The following ATXN7L1 variants were observed in gnomAD, a reference collection of about 807,000 sequenced individuals.
The protein encoded by ATXN7L1 is ataxin-7-like protein 1.
Under a neutral mutation model 70.8 loss-of-function variants are expected in ATXN7L1, and 15 were observed. The observed-to-expected ratio is 0.21, with a 90% confidence interval of 0.14 to 0.33. The LOEUF (loss-of-function observed/expected upper bound fraction) is 0.33. ATXN7L1 is among the 10% of genes least tolerant of loss of function. The pLI is 1.00. For synonymous variants in ATXN7L1, 440 were observed against 445.1 expected, an observed-to-expected ratio of 0.99 and a Z score of 0.14; for missense variants, 975 against 1,097.1, an observed-to-expected ratio of 0.89 and a Z score of 1.57.
chr7:105,613,651 C>A, intron 10 of ATXN7L1: 2 of 1,426,686 alleles, frequency 1.4e-6, no homozygotes, highest in Non-Finnish European at 1.8e-6. Flanking sequence ...CCGTAAAGTG[C>A]CGAGAACAGT....
rs766671131 is a variant in ATXN7L1 at position 105,613,842 on chromosome 7, G to A, written c.2472+20C>T. Reference sequence around the variant, plus strand: ...CCTGCCCCCCAGAGCCGGTGAAGGCGGTGCCAGGAGGTCCCTTACCTGCCG... The same window carrying A: ...CCTGCCCCCCAGAGCCGGTGAAGGCAGTGCCAGGAGGTCCCTTACCTGCCG... On this transcript the variant is annotated intron_variant, in intron 10 of 11. Transcript: ENST00000419735. 300 of 1,551,662 alleles carry A rather than the reference G, an allele frequency of 1.9e-4. No individual in the cohort carries two copies. Among genetic ancestry groups the A allele is most frequent in the Non-Finnish European group, 2.5e-4 (290 of 1,147,030 alleles).
intron 3 of ATXN7L1, among the ~76,000 whole-genome samples, chr7:105,756,797 C>A (rs1325144323): frequency 1.3e-5 from 2 of 152,148 alleles, no homozygotes; most frequent in African/African-American, 2.4e-5. Context: ...AACTCATTCA[C>A]TTAACGGTGA....
chr7:105,778,525 A>AAC (rs543795113), intron 3 of ATXN7L1, among the ~76,000 whole-genome samples: 2,897 of 108,358 alleles, frequency 0.027, 127 homozygotes, highest in African/African-American at 0.08. Flanking sequence ...AAAAAAAAAA[A>AAC]AAAAAAAAAA....
chr7:105,748,350 A>T (rs1199042286), intron 3 of ATXN7L1, among the ~76,000 whole-genome samples: 1 of 152,114 alleles, frequency 6.6e-6, no homozygotes, highest in African/African-American at 2.4e-5. Flanking sequence ...TCTACCTGTG[A>T]GACTCTGGCT....
At chr7:105,792,699 C>T (rs143233302) in intron 2 of ATXN7L1, among the ~76,000 whole-genome samples, 96 of 152,282 alleles carry the variant, frequency 6.3e-4, no homozygotes, top group African/African-American at 2.2e-3. Flanking sequence ...TGTTTAGTGT[C>T]GTCATGGCAG....
chr7:105,667,034 T>C (rs1802713031), intron 3 of ATXN7L1, among the ~76,000 whole-genome samples: 1 of 152,232 alleles, frequency 6.6e-6, no homozygotes, highest in Non-Finnish European at 1.5e-5. Context: ...GTTCCTTCCC[T>C]TCTCATCTCT....
At position 105,694,050 on chromosome 7, in the gene ATXN7L1, C is replaced by CT. The variant is rs34797129; in HGVS notation, c.356-28763dup. ...TTCAGGTCCTGAGGGAGAAGTGAGC[C>CT]TTTTTTTTTTTTTTTAAGGCAGAGT... On this transcript the variant is annotated intron_variant, in intron 3 of 11. Transcript: ENST00000419735. Among the ~76,000 whole-genome samples, 552 of 139,332 alleles carry CT rather than the reference C, an allele frequency of 4.0e-3. 3 individuals are homozygous for CT. Among genetic ancestry groups the CT allele is most frequent in the African/African-American group, 7.2e-3 (273 of 37,700 alleles). 91.4% of individuals were successfully genotyped at this position (139,332 alleles called of 152,430 possible).
At chr7:105,822,575 T>G (rs1045768201) in intron 2 of ATXN7L1, among the ~76,000 whole-genome samples, 1 of 152,234 alleles carries the variant, frequency 6.6e-6, no homozygotes, top group African/African-American at 2.4e-5. Context: ...CAATTGAGTT[T>G]GCATGTTGCT....
chr7:105,625,596 T>A (rs1354429728), intron 7 of ATXN7L1, among the ~76,000 whole-genome samples: 1 of 152,208 alleles, frequency 6.6e-6, no homozygotes, highest in African/African-American at 2.4e-5. Context: ...TGGGGCATGA[T>A]TGGCTCATAG....
intron 7 of ATXN7L1, among the ~76,000 whole-genome samples, chr7:105,627,156 T>C (rs889441696): frequency 1.3e-5 from 2 of 152,182 alleles, no homozygotes; most frequent in East Asian, 1.9e-4. Context: ...CTGCAGGAGA[T>C]AGATTAAAAA....
At chr7:105,612,666 C>T (rs575360733) in intron 10 of ATXN7L1, among the ~76,000 whole-genome samples, 15 of 152,238 alleles carry the variant, frequency 9.9e-5, no homozygotes, top group Middle Eastern at 3.4e-3. Flanking sequence ...TCAGCTCGAG[C>T]GAGAGGACCT....
chr7:105,716,665 GCACACACACA>G (rs58217531), intron 3 of ATXN7L1, among the ~76,000 whole-genome samples: 16,090 of 124,846 alleles, frequency 0.13, 1,218 homozygotes, highest in Non-Finnish European at 0.16. Flanking sequence ...ACCTATCTCT[GCACACACACA>G]CACACACACA....
At chr7:105,701,798 G>A (rs970765370) in intron 3 of ATXN7L1, among the ~76,000 whole-genome samples, 2 of 152,072 alleles carry the variant, frequency 1.3e-5, no homozygotes, top group Admixed American at 1.3e-4. Context: ...TCAAACTCCT[G>A]GGCTCAAGTG....
At chr7:105,618,415 GC>G (rs1406670302) in intron 9 of ATXN7L1, among the ~76,000 whole-genome samples, 2 of 152,152 alleles carry the variant, frequency 1.3e-5, no homozygotes, top group African/African-American at 2.4e-5. Context: ...TTCTCTTGTG[GC>G]CCTTACCTAC....
chr7:105,823,453 T>C (rs751515524), intron 2 of ATXN7L1, among the ~76,000 whole-genome samples: 1 of 152,230 alleles, frequency 6.6e-6, no homozygotes, highest in Non-Finnish European at 1.5e-5. Context: ...AGGTTTATGT[T>C]GCTAGACTTG....
At chr7:105,643,752 C>G (rs1798595566) in intron 4 of ATXN7L1, among the ~76,000 whole-genome samples, 1 of 152,226 alleles carries the variant, frequency 6.6e-6, no homozygotes, top group African/African-American at 2.4e-5. Flanking sequence ...TTTTAGGCAG[C>G]TAGTTATGTA....
intron 7 of ATXN7L1, among the ~76,000 whole-genome samples, chr7:105,632,696 G>A (rs750615882): frequency 7.2e-5 from 11 of 152,130 alleles, no homozygotes; most frequent in South Asian, 2.1e-4. Flanking sequence ...GCTGAGGGCA[G>A]GTTGCTTGAG....
At chr7:105,727,756 A>ATATATATATATATATATATATATATATG (rs1796026387) in intron 3 of ATXN7L1, among the ~76,000 whole-genome samples, 2 of 86,622 alleles carry the variant, frequency 2.3e-5, no homozygotes, top group African/African-American at 9.4e-5. Flanking sequence ...GTATATATAT[A>ATATATATATATATATATATATATATATG]TATATATATA....
At chr7:105,657,968 T>G (rs1257925693) in intron 4 of ATXN7L1, among the ~76,000 whole-genome samples, 1 of 152,158 alleles carries the variant, frequency 6.6e-6, no homozygotes, top group African/African-American at 2.4e-5. Flanking sequence ...GTGCTGTAAG[T>G]GTAATAAAAC....
Sources: gnomAD v4.1 joint callset for allele counts (sites outside exome capture counted in the v4.1 genomes callset) on GRCh38, gnomAD v4.1.1 for gene constraint, MANE v1.5 for transcripts, NCBI Gene and HGNC (gene_info 2026-07-23, HGNC 2026-07-21) for gene names.